The following SPATC1 variants were observed in gnomAD, a reference collection of about 807,000 sequenced individuals.
The protein encoded by SPATC1 is spermatogenesis and centriole associated 1.
SPATC1 carries 35 observed loss-of-function variants against 36.5 expected under a neutral mutation model. The observed-to-expected ratio is 0.96, with a 90% CI of 0.73 to 1.27. The LOEUF (loss-of-function observed/expected upper bound fraction) is 1.27. Among genes scored for constraint, SPATC1 ranks in the 50% most tolerant of loss-of-function variants. SPATC1 has a pLI of 0.00. For missense variants in SPATC1, 779 were observed against 796.0 expected, an observed-to-expected ratio of 0.98 and a Z score of 0.26; for synonymous variants, 361 against 353.6, an observed-to-expected ratio of 1.02 and a Z score of -0.24.
In SPATC1 at chr8:144,038,665, T is replaced by C. The variant is rs181626502; in HGVS notation, c.212-1244T>C. Among the ~76,000 whole-genome samples, 524 of 152,162 alleles carry C rather than the reference T, an allele frequency of 3.4e-3. 9 individuals are homozygous for C. The highest frequency in any genetic ancestry group is 0.012 in the African/African-American group (493 of 41,552). On this transcript the variant is annotated intron_variant, in intron 1 of 4. Transcript: ENST00000377470. ...AATTTTTGTGTTTTTTGTAGAGACA[T>C]GGTCTCTCCATATTGAGCAGGCCGG...
rs570618033 is a variant in SPATC1 at position 144,044,874 on chromosome 8, G to A, written c.1447-1753G>A. Among the ~76,000 whole-genome samples the A allele has an allele frequency of 3.3e-5, 5 of 152,242 alleles. No individual in the cohort carries two copies. The South Asian group carries it at 6.2e-4, about 19-fold the overall frequency. ...TGAGGCAGAAGAATTGCTTGAACCC[G>A]GGAGGCGGAGGTTGCAGTGAGCTGA... On this transcript the variant is annotated intron_variant, in intron 4 of 4. Transcript: ENST00000377470.
rs1554756885 is a variant in SPATC1 at position 144,046,837 on chromosome 8, T to C, written c.1657T>C (p.Phe553Leu). 1 of 1,602,972 alleles carries C rather than the reference T, an allele frequency of 6.2e-7. No homozygotes were observed. The highest frequency in any genetic ancestry group is 1.3e-5 in the African/African-American group (1 of 74,932). Residue 553 changes from phenylalanine to leucine, a missense_variant, in exon 5 of 5, where the codon TTC (phenylalanine) becomes CTC (leucine). Physicochemically the swap from Phe to Leu is conservative, Grantham distance 22. Transcript: ENST00000377470. This position sits in a 1 kb window ranked among gnomAD's most constrained non-coding sequence, Gnocchi z 6.6. ...TGAGGGCGGCCCCTACACCGTGGACTTCCTGCAGCGTGTGGTGGTGGAGAC... is the reference window on the plus strand; with the variant it reads ...TGAGGGCGGCCCCTACACCGTGGACCTCCTGCAGCGTGTGGTGGTGGAGAC... The part of the protein sequence containing the change: ...ASEGGPYTVD[F>L]LQRVVVETVH...
chr8:144,037,974 A>G (rs1554755093), intron 1 of SPATC1, among the ~76,000 whole-genome samples: 1 of 151,512 alleles, frequency 6.6e-6, no homozygotes, highest in African/African-American at 2.4e-5. Flanking sequence ...CTAAAAATAC[A>G]AAAAATTAGC....
At chr8:144,011,794 C>T (rs782581598), upstream of SPATC1, among the ~76,000 whole-genome samples, 1 of 152,086 alleles carries the variant, frequency 6.6e-6, no homozygotes, top group Admixed American at 6.6e-5. This position sits in a 1 kb window ranked among gnomAD's most constrained non-coding sequence, Gnocchi z 4.5. Context: ...AACGCTGAGT[C>T]ACCAGAAATG....
rs60729674 is a variant in SPATC1, at chr8:144,039,955, C to G, written c.258C>G (p.Leu86=). 0.015 allele frequency: 23,932 copies of G among 1,613,906 alleles called. 3,093 individuals are homozygous for G. In the African/African-American group the frequency reaches 0.28, roughly 19 times the overall value. The change falls in exon 2 of 5, where the codon CTC becomes CTG. Residue 86 remains leucine (L), a synonymous_variant. Coordinates refer to ENST00000377470, the MANE Select transcript of SPATC1 (RefSeq NM_198572.3). ...CAGCAGTGGCAAACGAACGAGTCCT[C>G]GAAGAAGTGGGGATCATGGCCTTGG... ...PSPAVANERV[L]EEVGIMALAP... is the part of the protein sequence containing the mutation.
intron 1 of SPATC1, among the ~76,000 whole-genome samples, chr8:144,023,057 C>A (rs1201157821): frequency 8.1e-5 from 12 of 147,836 alleles, no homozygotes; most frequent in Admixed American, 2.0e-4. Flanking sequence ...CCTCCCACCT[C>A]AGGTCCCTCT....
rs1400159497 is a variant in SPATC1, at chr8:144,012,718, A to G, written c.203A>G (p.Gln68Arg). Reference sequence around the variant, plus strand: ...GCAACAGCAGGCCTTTCCTCACGCCAGAACAATGGTAAGAGGCCTCGCTCC... The same window carrying G: ...GCAACAGCAGGCCTTTCCTCACGCCGGAACAATGGTAAGAGGCCTCGCTCC... The part of the protein sequence containing the change: ...GEATAGLSSR[Q>R]NNGVFLPPSP... Residue 68 changes from glutamine (Q) to arginine (R), a missense_variant, in exon 1 of 5, where the codon CAG becomes CGG. Coordinates refer to ENST00000377470, the MANE Select transcript of SPATC1 (RefSeq NM_198572.3). 1.4e-5 allele frequency: 21 copies of G among 1,551,570 alleles called. No homozygotes were observed. The African/African-American group carries it at 2.3e-4, about 17-fold the overall frequency.
At chr8:144,042,311 A>ATATATATATTTT (rs1412021347) in intron 4 of SPATC1, among the ~76,000 whole-genome samples, 2 of 23,884 alleles carry the variant, frequency 8.4e-5, no homozygotes, top group African/African-American at 2.4e-4. Context: ...ATATATATAT[A>ATATATATATTTT]TTTTTTTTTT....
chr8:144,037,925 C>A (rs1478831515), intron 1 of SPATC1, among the ~76,000 whole-genome samples: 2 of 151,604 alleles, frequency 1.3e-5, no homozygotes, highest in Non-Finnish European at 2.9e-5. Context: ...GTCAGGAGAT[C>A]AAGACCATCC....
Position 144,040,289 on chromosome 8 carries a change from C to T in SPATC1, c.592C>T (p.Pro198Ser), listed in dbSNP as rs369861828. The change falls in exon 2 of 5, where the codon CCC becomes TCC. Residue 198 changes from proline to serine, a missense_variant. By Grantham distance (74) the Pro-to-Ser change is moderately conservative. Transcript: ENST00000377470. ...CACGGTGGCTGTCTCTCTGAGCAGC[C>T]CCCTCCTCAGCTCCACTGCCACCCC... ...MGTVAVSLSS[P>S]LLSSTATPPG... 10 of 1,612,686 alleles carry T rather than the reference C, an allele frequency of 6.2e-6. No individual in the cohort carries two copies. In the African/African-American group the frequency reaches 1.3e-4, roughly 22 times the overall value.
chr8:144,042,311 AT>A (rs1184651892), intron 4 of SPATC1, among the ~76,000 whole-genome samples: 788 of 23,116 alleles, frequency 0.034, 2 homozygotes, highest in Non-Finnish European at 0.041. Flanking sequence ...ATATATATAT[AT>A]TTTTTTTTTT....
chr8:144,038,833 G>A (rs979875732), intron 1 of SPATC1, among the ~76,000 whole-genome samples: 3 of 152,056 alleles, frequency 2.0e-5, no homozygotes, highest in Non-Finnish European at 4.4e-5. Context: ...ATTCACCTCC[G>A]GGTTGCCCGT....
chr8:144,036,543 C>T (rs980932686), intron 1 of SPATC1, among the ~76,000 whole-genome samples: 3 of 152,082 alleles, frequency 2.0e-5, no homozygotes, highest in East Asian at 1.9e-4. Context: ...AGGCTGGTCT[C>T]GAACTCCTGA....
chr8:144,031,862 G>A (rs1281396117), intron 1 of SPATC1, among the ~76,000 whole-genome samples: 3 of 151,420 alleles, frequency 2.0e-5, no homozygotes, highest in African/African-American at 2.4e-5. Context: ...AGGACCACAG[G>A]CATGTGCCAT....
chr8:144,023,097 TCTTCTCTCAGGACTCCTTTCCCTCAGG>T (rs1834578752), intron 1 of SPATC1, among the ~76,000 whole-genome samples: 2 of 100,358 alleles, frequency 2.0e-5, no homozygotes, highest in East Asian at 3.3e-4. Flanking sequence ...CTCAGGACCC[TCTTCTCTCAGGACTCCTTTCCCTCAGG>T]ACCCTCTCCC....
chr8:144,011,645 G>C (rs1172212798), upstream of SPATC1, among the ~76,000 whole-genome samples: 1 of 152,152 alleles, frequency 6.6e-6, no homozygotes, highest in Non-Finnish European at 1.5e-5. This position sits in a 1 kb window ranked among gnomAD's most constrained non-coding sequence, Gnocchi z 4.5. Flanking sequence ...AGCATCATGA[G>C]GACTGAGTCC....
chr8:144,039,673 T>G (rs1201255564), intron 1 of SPATC1, among the ~76,000 whole-genome samples: 1 of 152,138 alleles, frequency 6.6e-6, no homozygotes. Flanking sequence ...AGATGAGGCC[T>G]TGGGGAGCCA....
chr8:144,037,633 C>A (rs1002575626), intron 1 of SPATC1, among the ~76,000 whole-genome samples: 14 of 152,074 alleles, frequency 9.2e-5, no homozygotes, highest in Middle Eastern at 3.4e-3. Flanking sequence ...GTCATCACCA[C>A]TCCCTAATCT....
intron 1 of SPATC1, among the ~76,000 whole-genome samples, chr8:144,022,414 TA>T (rs1433059460): frequency 0.069 from 444 of 6,438 alleles, 1 homozygote; most frequent in Middle Eastern, 0.25. Context: ...ACTTTTCTTC[TA>T]AGGACCCTCT....
Sources: allele counts gnomAD v4.1 joint callset (sites outside exome capture counted in the v4.1 genomes callset), GRCh38; gene constraint gnomAD v4.1.1; non-coding constraint Gnocchi (gnomAD v3.1); transcripts MANE v1.5; gene names NCBI Gene and HGNC (gene_info 2026-07-23, HGNC 2026-07-21).